Variants in BCL2L14 observed in about 807,000 individuals in gnomAD.
The protein encoded by BCL2L14 is BCL2 like 14.
A neutral mutation model predicts 35.3 loss-of-function variants in BCL2L14; 27 were observed. The ratio of observed to expected loss-of-function variants is 0.76; its 90% CI spans 0.56 to 1.05. The LOEUF (loss-of-function observed/expected upper bound fraction) is 1.05. Among genes scored for constraint, BCL2L14 ranks in the 50% least tolerant of loss-of-function variants. The pLI is 0.00. For missense variants in BCL2L14, 377 were observed against 382.6 expected (o/e 0.99, Z 0.12); for synonymous variants, 139 against 145.9 (o/e 0.95, Z 0.34).
intron 5 of BCL2L14, 186 bp downstream of exon 5, chr12:12,095,116 T>C (rs1405590066): frequency 7.1e-6 from 7 of 985,112 alleles, no homozygotes; most frequent in Non-Finnish European, 8.4e-6. Context: ...TCATCATCAA[T>C]AAATATTTAC....
At chr12:12,051,356 A>C (rs971171348) in intron 1 of BCL2L14, among the ~76,000 whole-genome samples, 1 of 152,170 alleles carries the variant, frequency 6.6e-6, no homozygotes, top group African/African-American at 2.4e-5. Flanking sequence ...GGAACCTAAA[A>C]CATCACCGAG....
chr12:12,097,645 T>C (rs559175204), intron 5 of BCL2L14, among the ~76,000 whole-genome samples: 9 of 152,352 alleles, frequency 5.9e-5, no homozygotes, highest in African/African-American at 9.6e-5. Context: ...AAAGTGAATA[T>C]ACGAATTCAC....
intron 4 of BCL2L14, among the ~76,000 whole-genome samples, chr12:12,091,634 G>T (rs541867488): frequency 1.3e-5 from 2 of 152,314 alleles, no homozygotes; most frequent in African/African-American, 4.8e-5. Context: ...AACAGCTCCT[G>T]TCTATAGCTT....
At chr12:12,051,612 T>C (rs572253828) in intron 1 of BCL2L14, among the ~76,000 whole-genome samples, 1 of 152,312 alleles carries the variant, frequency 6.6e-6, no homozygotes, top group African/African-American at 2.4e-5. Flanking sequence ...GGTAGCTGAA[T>C]CGAATCTTTC....
At chr12:12,081,138 G>C (rs1948914797) in intron 2 of BCL2L14, among the ~76,000 whole-genome samples, 1 of 152,094 alleles carries the variant, frequency 6.6e-6, no homozygotes, top group Admixed American at 6.5e-5. Context: ...AGTGAGCCAA[G>C]ATGATGCCAC....
chr12:12,097,150 A>G (rs1179158141), intron 5 of BCL2L14, among the ~76,000 whole-genome samples: 3 of 152,212 alleles, frequency 2.0e-5, no homozygotes, highest in African/African-American at 2.4e-5. Context: ...GTCTCAAAAA[A>G]TAAAAAAAAT....
In BCL2L14 at chr12:12,079,340, T is replaced by TC. The variant is rs765097567; in HGVS notation, c.40dup (p.Leu14ProfsTer3). On this transcript the variant is annotated frameshift_variant, in exon 2 of 6. Coordinates refer to ENST00000308721, the MANE Select transcript of BCL2L14 (RefSeq NM_138723.2). LOFTEE classifies it high-confidence loss of function. ...ACCAGTGGGTGTGACCTGGAAGAAA[T>TC]CCCCCTAGATGATGATGACCTAAAC... 1.2e-6 allele frequency: 2 copies of TC among 1,613,860 alleles called. No individual in the cohort carries two copies. Among genetic ancestry groups the TC allele is most frequent in the South Asian group, 2.2e-5 (2 of 91,032 alleles).
chr12:12,061,330 C>T (rs1948523067), intron 2 of BCL2L14, among the ~76,000 whole-genome samples: 1 of 151,584 alleles, frequency 6.6e-6, no homozygotes, highest in Non-Finnish European at 1.5e-5. Flanking sequence ...ACACCCCTTA[C>T]CATCTCATTA....
chr12:12,074,593 C>T (rs1948739172), intron 1 of BCL2L14, among the ~76,000 whole-genome samples: 1 of 152,080 alleles, frequency 6.6e-6, no homozygotes, highest in Non-Finnish European at 1.5e-5. Context: ...CATGTGCCAC[C>T]ATACCTGGCT....
intron 3 of BCL2L14, among the ~76,000 whole-genome samples, chr12:12,089,817 C>T (rs1373190800): frequency 6.6e-6 from 1 of 152,160 alleles, no homozygotes; most frequent in African/African-American, 2.4e-5. Flanking sequence ...TTATATCCCA[C>T]CTTATTGTCA....
rs371514083 is a variant in BCL2L14, at chr12:12,079,472, G to A, written c.167G>A (p.Arg56Lys). The A allele has an allele frequency of 4.3e-6, 7 of 1,614,132 alleles. No homozygotes were observed. The highest frequency in any genetic ancestry group is 5.9e-6 in the Non-Finnish European group (7 of 1,180,064). The change falls in exon 2 of 6, where the codon AGG (arginine) becomes AAG (lysine). Residue 56 changes from arginine (R) to lysine (K), a missense_variant. Physicochemically the swap from Arg to Lys is conservative, Grantham distance 26 (BLOSUM62 2). Transcript: ENST00000308721. ...CTGAGAACAAGAAGTTTGTCCCAGA[G>A]GGGCCTGGGGAATTGTTCAGCAAAT... ...KLLRTRSLSQ[R>K]GLGNCSANES...
At chr12:12,072,979 C>T (rs1321827553) in intron 1 of BCL2L14, among the ~76,000 whole-genome samples, 1 of 152,030 alleles carries the variant, frequency 6.6e-6, no homozygotes, top group African/African-American at 2.4e-5. Flanking sequence ...CTCCAACTCC[C>T]AGGCTCAAGC....
At position 12,093,985 on chromosome 12, in the gene BCL2L14, T is replaced by C. The variant is rs184192641; in HGVS notation, c.679-679T>C. On this transcript the variant is annotated intron_variant, in intron 4 of 5. Transcript: ENST00000308721. Reference sequence around the variant, plus strand: ...AGCCAGGTGTGGTGGCATGCACCTGTAGTCCCATCTACTTGGGAGGCTGAG... The same window carrying C: ...AGCCAGGTGTGGTGGCATGCACCTGCAGTCCCATCTACTTGGGAGGCTGAG... Among the ~76,000 whole-genome samples the C allele has an allele frequency of 3.0e-4, 45 of 150,942 alleles. 1 individual carries two copies. The highest frequency in any genetic ancestry group is 1.0e-3 in the African/African-American group (43 of 41,080).
chr12:12,091,608 G>A (rs1179036801), intron 4 of BCL2L14, among the ~76,000 whole-genome samples: 1 of 152,200 alleles, frequency 6.6e-6, no homozygotes, highest in Non-Finnish European at 1.5e-5. Flanking sequence ...GGGATGGGAG[G>A]TTCTGCAGGA....
rs573504316 is a variant in BCL2L14 at position 12,098,781 on chromosome 12, C to T, written c.946-169C>T. 2.5e-3 allele frequency among the ~76,000 whole-genome samples: 382 copies of T among 152,260 alleles called. 3 individuals are homozygous for T. The highest frequency in any genetic ancestry group is 3.2e-3 in the Non-Finnish European group (220 of 68,014). On this transcript the variant is annotated intron_variant, in intron 5 of 5. Transcript: ENST00000308721. Reference sequence around the variant, plus strand: ...ACGTAAGACCTTAGCTGATGTCTTCCTTGCAGGCATACCAAGAATGCCAGT... The same window carrying T: ...ACGTAAGACCTTAGCTGATGTCTTCTTTGCAGGCATACCAAGAATGCCAGT...
chr12:12,075,533 C>T (rs1948763522), intron 1 of BCL2L14, among the ~76,000 whole-genome samples: 1 of 151,952 alleles, frequency 6.6e-6, no homozygotes. Flanking sequence ...TCAAGTGATT[C>T]TCCTGCCTCA....
chr12:12,055,048 T>A (rs1005836050), intron 2 of BCL2L14: 1 of 151,966 alleles, frequency 6.6e-6, no homozygotes, highest in African/African-American at 2.4e-5. Flanking sequence ...CAATTACTCA[T>A]AGAGTCATAA....
intron 2 of BCL2L14, among the ~76,000 whole-genome samples, chr12:12,057,449 T>C (rs1318459805): frequency 3.3e-5 from 5 of 152,172 alleles, no homozygotes; most frequent in African/African-American, 7.2e-5. Context: ...AAAGCAGTAA[T>C]AGCAACTCCA....
chr12:12,084,512 A>G (rs1236624483), intron 2 of BCL2L14, among the ~76,000 whole-genome samples: 1 of 152,086 alleles, frequency 6.6e-6, no homozygotes, highest in East Asian at 1.9e-4. Flanking sequence ...ACCACAGGCG[A>G]AATGGGACCT....
Sources: gnomAD v4.1 joint callset for allele counts (sites outside exome capture counted in the v4.1 genomes callset) on GRCh38, gnomAD v4.1.1 for gene constraint, MANE v1.5 for transcripts, NCBI Gene and HGNC (gene_info 2026-07-23, HGNC 2026-07-21) for gene names.